Variants in BRD10 observed in about 807,000 individuals in gnomAD.
BRD10 encodes the protein uncharacterized bromodomain-containing protein 10.
chr9:5,994,370 C>G, the BRD10 span, among the ~76,000 whole-genome samples: 600 of 152,292 alleles, frequency 3.9e-3, 3 homozygotes, highest in African/African-American at 0.012. Flanking sequence ...GACCACTGCT[C>G]TTATCTGCAG....
At chr9:5,900,853 A>T in the BRD10 span, among the ~76,000 whole-genome samples, 14 of 152,226 alleles carry the variant, frequency 9.2e-5, no homozygotes, top group Non-Finnish European at 2.1e-4. Context: ...GTTCAAGGAC[A>T]AAATACTTTT....
the BRD10 span, among the ~76,000 whole-genome samples, chr9:5,959,411 G>T: frequency 2.6e-5 from 4 of 152,106 alleles, no homozygotes; most frequent in African/African-American, 9.6e-5. Context: ...TGTAATAATG[G>T]GGAATAATAG....
At chr9:5,997,900 A>T in the BRD10 span, among the ~76,000 whole-genome samples, 1 of 152,342 alleles carries the variant, frequency 6.6e-6, no homozygotes, top group African/African-American at 2.4e-5. Flanking sequence ...CACACAATAC[A>T]TAATAAATAA....
At chr9:5,925,280 A>C in the BRD10 span, among the ~76,000 whole-genome samples, 1 of 150,724 alleles carries the variant, frequency 6.6e-6, no homozygotes, top group Non-Finnish European at 1.5e-5. Context: ...AACTGCTTGA[A>C]CCCAGGAGGT....
chr9:5,903,793 G>A, the BRD10 span, among the ~76,000 whole-genome samples: 2 of 151,946 alleles, frequency 1.3e-5, no homozygotes, highest in Non-Finnish European at 2.9e-5. Flanking sequence ...ATCTCCTTCT[G>A]AAACTAATAT....
At chr9:5,978,859 T>C in the BRD10 span, among the ~76,000 whole-genome samples, 1 of 152,224 alleles carries the variant, frequency 6.6e-6, no homozygotes, top group African/African-American at 2.4e-5. Context: ...GTTCATGCAA[T>C]ATCAAGTAAG....
At chr9:5,974,218 C>T in the BRD10 span, among the ~76,000 whole-genome samples, 1 of 152,210 alleles carries the variant, frequency 6.6e-6, no homozygotes, top group East Asian at 1.9e-4. Context: ...CCAGAAACAA[C>T]AGAACAGTAT....
At chr9:5,915,267 C>T in the BRD10 span, among the ~76,000 whole-genome samples, 1 of 151,934 alleles carries the variant, frequency 6.6e-6, no homozygotes, top group East Asian at 1.9e-4. Context: ...TTCTGGCCCA[C>T]CTAATATCCT....
At chr9:5,930,756 A>T in the BRD10 span, among the ~76,000 whole-genome samples, 1 of 152,226 alleles carries the variant, frequency 6.6e-6, no homozygotes, top group Non-Finnish European at 1.5e-5. Flanking sequence ...GTTCTAAAGT[A>T]CACAAAGGAC....
At chr9:6,008,165 CG>C in the BRD10 span, 3 of 976,594 alleles carry the variant, frequency 3.1e-6, no homozygotes, top group Non-Finnish European at 3.6e-6. Context: ...CCCGGGCCAG[CG>C]GGGGGCTGGG....
At chr9:5,953,200 T>A in the BRD10 span, among the ~76,000 whole-genome samples, 1 of 152,150 alleles carries the variant, frequency 6.6e-6, no homozygotes, top group Non-Finnish European at 1.5e-5. Context: ...CATCTCTACT[T>A]GACTTGAGAC....
At chr9:5,917,301 G>A in the BRD10 span, among the ~76,000 whole-genome samples, 79 of 152,314 alleles carry the variant, frequency 5.2e-4, no homozygotes, top group African/African-American at 1.8e-3. Context: ...AACCTGTAAT[G>A]GAACATTAGG....
chr9:5,954,090 T>C, the BRD10 span: 1 of 1,538,314 alleles, frequency 6.5e-7, no homozygotes, highest in Non-Finnish European at 8.8e-7. Flanking sequence ...GAGACGGATT[T>C]TTTTCCTTTC....
At chr9:5,933,732 A>C in the BRD10 span, 1 of 469,700 alleles carries the variant, frequency 2.1e-6, no homozygotes, top group Admixed American at 2.4e-5. Context: ...ATGTGAAATG[A>C]GTCGGGAGGG....
the BRD10 span, among the ~76,000 whole-genome samples, chr9:5,894,385 G>A: frequency 1.8e-4 from 27 of 152,232 alleles, no homozygotes; most frequent in Non-Finnish European, 3.7e-4. This position sits in a 1 kb window ranked among gnomAD's most constrained non-coding sequence, Gnocchi z 4.0. Context: ...AGAAGGCATC[G>A]GGGCAACCAA....
chr9:5,985,598 C>T, the BRD10 span, among the ~76,000 whole-genome samples: 1 of 152,076 alleles, frequency 6.6e-6, no homozygotes, highest in Non-Finnish European at 1.5e-5. Context: ...CCATCCTGAC[C>T]AACATGGAGA....
chr9:6,004,415 A>C, the BRD10 span, among the ~76,000 whole-genome samples: 1 of 152,198 alleles, frequency 6.6e-6, no homozygotes, highest in African/African-American at 2.4e-5. Flanking sequence ...TATACAGATA[A>C]GGAAACTGAG....
At chr9:5,912,475 T>A in the BRD10 span, among the ~76,000 whole-genome samples, 1 of 152,154 alleles carries the variant, frequency 6.6e-6, no homozygotes. Context: ...GGAACGGGCC[T>A]TGAAGAAAAT....
the BRD10 span, chr9:5,968,569 C>G: frequency 6.2e-7 from 1 of 1,613,818 alleles, no homozygotes; most frequent in East Asian, 2.2e-5. Flanking sequence ...CATGATTATC[C>G]AAGATCATTT....
Sources: allele counts gnomAD v4.1 joint callset (sites outside exome capture counted in the v4.1 genomes callset), GRCh38; gene constraint gnomAD v4.1.1; non-coding constraint Gnocchi (gnomAD v3.1); transcripts MANE v1.5; gene names NCBI Gene and HGNC (gene_info 2026-07-23, HGNC 2026-07-21).